The following ATP7B variants were observed in gnomAD, a reference collection of about 807,000 sequenced individuals.
The protein encoded by ATP7B is copper-transporting ATPase 2.
ATP7B carries 113 observed loss-of-function variants against 118.9 expected under a neutral mutation model. The observed-to-expected ratio is 0.95, with a 90% CI of 0.82 to 1.11. The LOEUF is 1.11. ATP7B is among the 50% of genes most tolerant of loss of function. The pLI is 0.00. For missense variants in ATP7B, 1,867 were observed against 1,871.4 expected, an observed-to-expected ratio of 1.00 and a Z score of 0.04; for synonymous variants, 777 against 727.4, an observed-to-expected ratio of 1.07 and a Z score of -1.10.
rs137853280 is a variant in ATP7B at position 51,965,034 on chromosome 13, C to G, written c.1708-1G>C. ...AGGACGCGCAGGTCATCCCTGTGATCTGCAACACAGGATGGCAAGAATCCC... is the reference window on the plus strand; with the variant it reads ...AGGACGCGCAGGTCATCCCTGTGATGTGCAACACAGGATGGCAAGAATCCC... On this transcript the variant is annotated splice_acceptor_variant, in intron 4 of 20. Transcript: ENST00000242839. LOFTEE classifies it high-confidence loss of function. 18 of 1,614,058 alleles carry G rather than the reference C, an allele frequency of 1.1e-5. No homozygotes were observed. The highest frequency in any genetic ancestry group is 1.1e-4 in the South Asian group (10 of 91,072).
chr13:51,954,351 A>C (rs1473848066), intron 9 of ATP7B, among the ~76,000 whole-genome samples: 1 of 152,242 alleles, frequency 6.6e-6, no homozygotes, highest in Non-Finnish European at 1.5e-5. Context: ...TTTTGATCCT[A>C]AGGACAGCAT....
intron 2 of ATP7B, among the ~76,000 whole-genome samples, chr13:51,973,572 C>T (rs1951945054): frequency 6.6e-6 from 1 of 152,218 alleles, no homozygotes; most frequent in Admixed American, 6.5e-5. Context: ...TGCCCTGTGG[C>T]ACCGGAGTCC....
At chr13:51,959,752 C>T (rs1235787546) in intron 7 of ATP7B, 1 of 260,456 alleles carries the variant, frequency 3.8e-6, no homozygotes, top group Non-Finnish European at 7.5e-6. Context: ...TAAGATAGAA[C>T]ACTCAAGAGT....
At position 51,969,311 on chromosome 13, in the gene ATP7B, C is replaced by T. The variant is rs1951727643; in HGVS notation, c.1544-704G>A. ...GAGGTTTGAGAGTCTGCAGGTCCAT[C>T]CAGCTCCCAGGTGATGCTCATGCTG... On this transcript the variant is annotated intron_variant, in intron 3 of 20. Transcript: ENST00000242839. Among the ~76,000 whole-genome samples, 6 of 152,154 alleles carry T rather than the reference C, an allele frequency of 3.9e-5. No homozygotes were observed. The South Asian group carries it at 1.2e-3, about 32-fold the overall frequency.
chr13:51,973,886 A>T lies in ATP7B; in HGVS notation c.1285+49T>A, dbSNP rs745428705. 3 of 1,613,294 alleles carry T rather than the reference A, an allele frequency of 1.9e-6. No homozygotes were observed. In the Admixed American group the frequency reaches 5.0e-5, roughly 27 times the overall value. On this transcript the variant is annotated intron_variant, in intron 2 of 20. Transcript: ENST00000242839. Reference sequence around the variant, plus strand: ...CCACCATCCAGGAGCTATAAGACACAAAGAGAAAAGGAGACAAGCTCAGGA... The same window carrying T: ...CCACCATCCAGGAGCTATAAGACACTAAGAGAAAAGGAGACAAGCTCAGGA...
Position 51,934,927 on chromosome 13 carries a change from C to T in ATP7B, c.4227G>A (p.Arg1409=). Residue 1409 remains arginine (R), a synonymous_variant, in exon 21 of 21, where the codon AGG becomes AGA. Transcript: ENST00000242839. ...QVSVHIGMDD[R]WRDSPRATPW... is the part of the protein sequence containing the mutation. Reference sequence around the variant, plus strand: ...GTGTGGCCCTGGGGGAGTCCCGCCACCTGTCATCCATGCCTATGTGCACAC... The same window carrying T: ...GTGTGGCCCTGGGGGAGTCCCGCCATCTGTCATCCATGCCTATGTGCACAC... The T allele has an allele frequency of 6.2e-7, 1 of 1,614,166 alleles. No individual in the cohort carries two copies. Among genetic ancestry groups the T allele is most frequent in the African/African-American group, 1.3e-5 (1 of 75,060 alleles).
intron 1 of ATP7B, among the ~76,000 whole-genome samples, chr13:52,008,241 G>A (rs1953868908): frequency 6.6e-6 from 1 of 152,236 alleles, no homozygotes; most frequent in Admixed American, 6.5e-5. Flanking sequence ...TCAGGAGGCT[G>A]AGGCCGGAGA....
chr13:51,990,083 CTTT>C (rs1245388143), intron 1 of ATP7B, among the ~76,000 whole-genome samples: 3 of 151,628 alleles, frequency 2.0e-5, no homozygotes, highest in Non-Finnish European at 4.4e-5. Context: ...TCTAATAAAT[CTTT>C]TTTAAAATTA....
intron 4 of ATP7B, among the ~76,000 whole-genome samples, chr13:51,965,359 G>A (rs1444739370): frequency 6.6e-6 from 1 of 152,142 alleles, no homozygotes; most frequent in Non-Finnish European, 1.5e-5. Context: ...TACCTCACTG[G>A]CAAAGCCGGG....
rs766907687 is a variant in ATP7B at position 51,958,387 on chromosome 13, G to A, written c.2279C>T (p.Pro760Leu). The change falls in exon 8 of 21, where the codon CCT (proline) becomes CTT (leucine). Residue 760 changes from proline to leucine, a missense_variant. Pro to Leu is a moderately conservative substitution (Grantham distance 98, BLOSUM62 -3). Transcript: ENST00000242839. ...VAVAEKAERS[P>L]VTFFDTPPML... is the part of the protein sequence containing the mutation. ...GGGGGGCGTGTCGAAGAATGTCACA[G>A]GGCTCCTCTCCGCCTTCTCAGCCAC... 1 of 1,614,206 alleles carries A rather than the reference G, an allele frequency of 6.2e-7. No individual in the cohort carries two copies. The highest frequency in any genetic ancestry group is 8.5e-7 in the Non-Finnish European group (1 of 1,180,042).
At chr13:51,943,830 A>G (rs1346904927) in intron 14 of ATP7B, among the ~76,000 whole-genome samples, 2 of 152,122 alleles carry the variant, frequency 1.3e-5, no homozygotes, top group East Asian at 3.9e-4. Flanking sequence ...GTGAGCTCCC[A>G]AAGGGTAGAG....
intron 4 of ATP7B, among the ~76,000 whole-genome samples, chr13:51,965,336 C>T (rs1951493050): frequency 6.6e-6 from 1 of 152,176 alleles, no homozygotes; most frequent in Non-Finnish European, 1.5e-5. Flanking sequence ...ATAAGCCCCT[C>T]TCCACTGTCT....
intron 1 of ATP7B, among the ~76,000 whole-genome samples, chr13:51,996,904 A>G (rs1343444449): frequency 2.0e-5 from 3 of 152,236 alleles, no homozygotes; most frequent in African/African-American, 7.2e-5. Context: ...TCAGCCAAAA[A>G]ACAAAGAACC....
intron 9 of ATP7B, 86 bp downstream of exon 9, chr13:51,957,430 C>T: frequency 7.5e-7 from 1 of 1,339,474 alleles, no homozygotes. Flanking sequence ...AGGTCTATTG[C>T]AATGTCAATA....
At chr13:51,994,672 A>T (rs1953106409) in intron 1 of ATP7B, among the ~76,000 whole-genome samples, 1 of 152,212 alleles carries the variant, frequency 6.6e-6, no homozygotes, top group Non-Finnish European at 1.5e-5. Flanking sequence ...AATTTCCTTT[A>T]GTCTTTGGGA....
At chr13:51,983,643 AG>A (rs1253230904) in intron 1 of ATP7B, among the ~76,000 whole-genome samples, 1 of 120,238 alleles carries the variant, frequency 8.3e-6, no homozygotes, top group Non-Finnish European at 1.8e-5. Context: ...AGGGGCCAAA[AG>A]ATACCCCATA....
chr13:51,942,410 C>A lies in ATP7B; in HGVS notation c.3388G>T (p.Ala1130Ser). The change falls in exon 15 of 21, where the codon GCT becomes TCT. Residue 1130 changes from alanine (A) to serine (S), a missense_variant. Transcript: ENST00000242839. ...CCTTTTTCTGCGGGAAGGCTGCCAG[C>A]CTCATTCAGGTGACTGGCCGGTGCA... ...LSAPASHLNE[A>S]GSLPAEKDAV... 1 of 1,614,190 alleles carries A rather than the reference C, an allele frequency of 6.2e-7. No homozygotes were observed. The highest frequency in any genetic ancestry group is 8.5e-7 in the Non-Finnish European group (1 of 1,180,050).
intron 9 of ATP7B, among the ~76,000 whole-genome samples, chr13:51,957,084 AATTATT>A (rs1304561664): frequency 1.3e-5 from 2 of 152,176 alleles, no homozygotes; most frequent in East Asian, 3.8e-4. Context: ...GAATAATAAT[AATTATT>A]ATTTTTAATA....
intron 2 of ATP7B, among the ~76,000 whole-genome samples, chr13:51,971,829 CTT>C (rs1404458074): frequency 6.6e-6 from 1 of 152,244 alleles, no homozygotes; most frequent in Non-Finnish European, 1.5e-5. Flanking sequence ...AGGACACAAA[CTT>C]TATCTCAGTG....
Sources: gnomAD v4.1 joint callset for allele counts (sites outside exome capture counted in the v4.1 genomes callset) on GRCh38, gnomAD v4.1.1 for gene constraint, MANE v1.5 for transcripts, NCBI Gene and HGNC (gene_info 2026-07-23, HGNC 2026-07-21) for gene names.